Variants in PTPN13 observed in about 807,000 individuals in gnomAD.
The protein encoded by PTPN13 is protein tyrosine phosphatase non-receptor type 13, also known as tyrosine-protein phosphatase non-receptor type 13.
PTPN13 carries 191 observed loss-of-function variants against 284.0 expected under a neutral mutation model. The observed-to-expected ratio is 0.67, with a 90% CI of 0.60 to 0.76. PTPN13 has a LOEUF of 0.76. PTPN13 is among the 30% of genes least tolerant of loss of function. The pLI is 0.00. For synonymous variants in PTPN13, 986 were observed against 1,022.3 expected (o/e 0.96, Z 0.68); for missense variants, 2,797 against 2,939.9 (o/e 0.95, Z 1.12).
At position 86,759,142 on chromosome 4, in the gene PTPN13, C is replaced by T. The variant is rs529488349; in HGVS notation, c.3553+69C>T. On this transcript the variant is annotated intron_variant, in intron 23 of 47. Transcript: ENST00000411767. The stretch of plus-strand genomic sequence containing the variant: ...TGTCTCATTCCTTTTTAGTGATATT[C>T]GCACAAAAATGGATTCATTGTGTAC... 161 of 1,498,514 alleles carry T rather than the reference C, an allele frequency of 1.1e-4. 1 individual carries two copies. The African/African-American group carries it at 1.4e-3, about 13-fold the overall frequency. 92.8% of individuals were successfully genotyped at this position (1,498,514 alleles called of 1,614,324 possible).
At chr4:86,775,094 T>C in intron 33 of PTPN13, 77 bp from the exon 34 acceptor site, 2 of 1,007,762 alleles carry the variant, frequency 2.0e-6, no homozygotes, top group Non-Finnish European at 1.4e-6. Context: ...TTAGGAGGAT[T>C]ATTGTATTTT....
chr4:86,730,993 A>G (rs1282654596), intron 10 of PTPN13, among the ~76,000 whole-genome samples: 1 of 152,168 alleles, frequency 6.6e-6, no homozygotes, highest in African/African-American at 2.4e-5. Flanking sequence ...CTATTGGTTC[A>G]TTGAATATTA....
At chr4:86,689,406 C>T (rs892145746) in intron 5 of PTPN13, among the ~76,000 whole-genome samples, 18 of 152,000 alleles carry the variant, frequency 1.2e-4, no homozygotes, top group African/African-American at 4.4e-4. Flanking sequence ...GAATTATTCC[C>T]AAAAATATCA....
intron 3 of PTPN13, among the ~76,000 whole-genome samples, chr4:86,673,675 A>AGGTTAAATTTGACAAAAGT (rs1727958353): frequency 6.6e-6 from 1 of 152,172 alleles, no homozygotes; most frequent in African/African-American, 2.4e-5. Context: ...TGGGAGAAGG[A>AGGTTAAATTTGACAAAAGT]AGATTTTGTG....
chr4:86,691,135 G>A (rs1197342780), intron 5 of PTPN13, among the ~76,000 whole-genome samples: 1 of 151,962 alleles, frequency 6.6e-6, no homozygotes, highest in Non-Finnish European at 1.5e-5. Context: ...GCTGAGATGG[G>A]AGGACTACTT....
chr4:86,768,762 G>C (rs2149266650), intron 28 of PTPN13, among the ~76,000 whole-genome samples: 1 of 146,330 alleles, frequency 6.8e-6, no homozygotes, highest in South Asian at 2.1e-4. Flanking sequence ...CCAGGCTGGA[G>C]TACAGTGGCG....
chr4:86,672,921 A>G (rs192473769), intron 3 of PTPN13, among the ~76,000 whole-genome samples: 28 of 152,326 alleles, frequency 1.8e-4, no homozygotes, highest in Middle Eastern at 3.4e-3. Flanking sequence ...CATGGAAGAC[A>G]GTTTTTCCAA....
rs1177618054 is a variant in PTPN13 at position 86,626,114 on chromosome 4, T to C, written c.-5-9138T>C. ...AAGAACAAATGTGAAATTAGAGATTTCCCCCCTGGTTTTACTTTTCTCCTA... is the reference window on the plus strand; with the variant it reads ...AAGAACAAATGTGAAATTAGAGATTCCCCCCCTGGTTTTACTTTTCTCCTA... On this transcript the variant is annotated intron_variant, in intron 1 of 47. Transcript: ENST00000411767. Among the ~76,000 whole-genome samples, 3 of 152,064 alleles carry C rather than the reference T, an allele frequency of 2.0e-5. No homozygotes were observed. The East Asian group carries it at 5.8e-4, about 29-fold the overall frequency.
Position 86,780,274 on chromosome 4 carries a change from C to G in PTPN13, c.5892-128C>G, listed in dbSNP as rs1741146286. ...AAATAGCTGGGCATGGTGGCACATG[C>G]CTGTGGTCCCAGCTCCTTGGGAGGC... On this transcript the variant is annotated intron_variant, in intron 35 of 47. Transcript: ENST00000411767. The G allele has an allele frequency of 2.1e-5, 15 of 721,910 alleles. No homozygotes were observed. In the South Asian group the frequency reaches 2.4e-4, roughly 11 times the overall value. 44.7% of individuals were successfully genotyped at this position (721,910 alleles called of 1,614,324 possible). A position where few individuals can be genotyped will look rare whatever the true frequency, so the allele number is the denominator to read the frequency against.
In PTPN13 at chr4:86,765,436, G is replaced by A; in HGVS notation, c.4191G>A (p.Val1397=). 6.2e-7 allele frequency: 1 copy of A among 1,603,212 alleles called. No homozygotes were observed. Among genetic ancestry groups the A allele is most frequent in the Non-Finnish European group, 8.5e-7 (1 of 1,174,308 alleles). Residue 1397 remains valine (V), a synonymous_variant, in exon 26 of 48, where the codon GTG becomes GTA. Coordinates refer to ENST00000411767, the MANE Select transcript of PTPN13 (RefSeq NM_080683.3). ...NTSVRHGGIY[V]KAVIPQGAAE... The stretch of plus-strand genomic sequence containing the variant: ...GTGTCAGACATGGTGGCATTTATGT[G>A]AAAGCTGTTATTCCCCAGGGAGCAG...
rs1745583100 is a variant in PTPN13 at position 86,814,456 on chromosome 4, G to A, written c.7363G>A (p.Asp2455Asn). The change falls in exon 48 of 48, where the codon GAT (aspartate) becomes AAT (asparagine). Residue 2455 changes from aspartate to asparagine, a missense_variant and splice_region_variant. By Grantham distance (23) the Asp-to-Asn change is conservative. Coordinates refer to ENST00000411767, the MANE Select transcript of PTPN13 (RefSeq NM_080683.3). The part of the protein sequence containing the change: ...LQRHGMVQTE[D>N]QYIFCYQVIL... The stretch of plus-strand genomic sequence containing the variant: ...TCTATCTCACTTTTTTTGGCCATAG[G>A]ATCAATATATTTTCTGCTATCAAGT... The A allele has an allele frequency of 6.2e-7, 1 of 1,603,510 alleles. No individual in the cohort carries two copies. Among genetic ancestry groups the A allele is most frequent in the Non-Finnish European group, 8.5e-7 (1 of 1,172,842 alleles).
At chr4:86,670,443 T>C (rs1287811847) in intron 2 of PTPN13, among the ~76,000 whole-genome samples, 12 of 151,850 alleles carry the variant, frequency 7.9e-5, no homozygotes, top group Admixed American at 7.2e-4. Flanking sequence ...GTCCTTTTAA[T>C]TACTCAGATC....
chr4:86,707,275 T>C (rs904055433), intron 7 of PTPN13, among the ~76,000 whole-genome samples: 1 of 152,210 alleles, frequency 6.6e-6, no homozygotes, highest in African/African-American at 2.4e-5. Context: ...CAAAAGTGGC[T>C]ATAGTTAAGT....
intron 2 of PTPN13, among the ~76,000 whole-genome samples, chr4:86,656,104 A>G (rs1444447112): frequency 6.6e-6 from 1 of 152,156 alleles, no homozygotes; most frequent in African/African-American, 2.4e-5. Flanking sequence ...AGGTCATTTA[A>G]GGACTTCTCT....
At chr4:86,766,821 GT>G (rs1472915682) in intron 27 of PTPN13, among the ~76,000 whole-genome samples, 1 of 152,142 alleles carries the variant, frequency 6.6e-6, no homozygotes, top group African/African-American at 2.4e-5. Context: ...ATTTCTAGTG[GT>G]TTTCACTCTT....
chr4:86,654,293 G>C (rs1725475032), intron 2 of PTPN13, among the ~76,000 whole-genome samples: 1 of 152,066 alleles, frequency 6.6e-6, no homozygotes, highest in South Asian at 2.1e-4. Flanking sequence ...TAATAAAGGA[G>C]AAAAGAGAGA....
Position 86,689,095 on chromosome 4 carries a change from G to A in PTPN13, c.451G>A (p.Asp151Asn). Residue 151 changes from aspartate (D) to asparagine (N), a missense_variant, in exon 5 of 48, where the codon GAT becomes AAT. Physicochemically the swap from Asp to Asn is conservative, Grantham distance 23. Transcript: ENST00000411767. ...YARVSVRTVL[D>N]ACSAHIRNSN... ...TCGAGTTTCTGTTCGGACTGTGCTG[G>A]ATGCTTGCAGTGCCCACATTAGGAA... 1 of 1,607,506 alleles carries A rather than the reference G, an allele frequency of 6.2e-7. No homozygotes were observed. The highest frequency in any genetic ancestry group is 8.5e-7 in the Non-Finnish European group (1 of 1,174,030).
intron 5 of PTPN13, chr4:86,689,927 G>A: frequency 2.0e-6 from 1 of 495,554 alleles, no homozygotes; most frequent in East Asian, 3.1e-5. Context: ...TCCTTGCACA[G>A]GTTACAAATT....
At chr4:86,602,500 A>G (rs1285730412) in intron 1 of PTPN13, among the ~76,000 whole-genome samples, 1 of 151,170 alleles carries the variant, frequency 6.6e-6, no homozygotes. Context: ...TTAACACGGT[A>G]CAGGTAATAT....
Sources: allele counts gnomAD v4.1 joint callset (sites outside exome capture counted in the v4.1 genomes callset), GRCh38; gene constraint gnomAD v4.1.1; transcripts MANE v1.5; gene names NCBI Gene and HGNC (gene_info 2026-07-23, HGNC 2026-07-21).